MAGI1: variants seen among roughly 807,000 people sequenced by gnomAD.
MAGI1 encodes membrane associated guanylate kinase, WW and PDZ domain containing 1, also known as membrane-associated guanylate kinase, WW and PDZ domain-containing protein 1.
In MAGI1, 58 loss-of-function variants were observed where a neutral mutation model predicts 139.9. The ratio of observed to expected loss-of-function variants is 0.41; its 90% confidence interval spans 0.34 to 0.52. The LOEUF is 0.52. MAGI1 is among the 20% of genes least tolerant of loss of function. The probability of loss-of-function intolerance (pLI) is 0.12; values close to 1 mark genes in which losing one functional copy is unlikely to be tolerated. For missense variants in MAGI1, 1,874 were observed against 1,901.6 expected, an observed-to-expected ratio of 0.99 and a Z score of 0.27; for synonymous variants, 812 against 737.9, an observed-to-expected ratio of 1.10 and a Z score of -1.63.
chr3:65,680,028 G>T (rs2087470709), intron 1 of MAGI1, among the ~76,000 whole-genome samples: 1 of 152,130 alleles, frequency 6.6e-6, no homozygotes, highest in South Asian at 2.1e-4. Context: ...AGGGTAGAAA[G>T]ATTAGTTCTC....
intron 2 of MAGI1, among the ~76,000 whole-genome samples, chr3:65,526,865 C>T (rs1396569083): frequency 6.6e-6 from 1 of 152,094 alleles, no homozygotes. Context: ...CTGTTAGCGC[C>T]CAGTTTTGCC....
intron 1 of MAGI1, among the ~76,000 whole-genome samples, chr3:65,734,859 G>A (rs1468671144): frequency 6.7e-6 from 1 of 148,574 alleles, no homozygotes; most frequent in South Asian, 2.2e-4. Context: ...ATGGTGGGGG[G>A]AGGGGAGGTG....
chr3:65,958,440 T>C (rs542101493), intron 1 of MAGI1, among the ~76,000 whole-genome samples: 1 of 152,354 alleles, frequency 6.6e-6, no homozygotes, highest in South Asian at 2.1e-4. Flanking sequence ...GAGGCTTACC[T>C]GCACAGTGAC....
intron 1 of MAGI1, among the ~76,000 whole-genome samples, chr3:65,784,578 G>A (rs1045137189): frequency 1.3e-5 from 2 of 152,088 alleles, no homozygotes; most frequent in Middle Eastern, 3.4e-3. Context: ...GGTGACGGGC[G>A]CCTGTAGTCC....
chr3:65,630,957 G>A (rs1347215099), intron 1 of MAGI1, among the ~76,000 whole-genome samples: 4 of 152,266 alleles, frequency 2.6e-5, no homozygotes, highest in Non-Finnish European at 1.5e-5. Context: ...GTGTAACAAT[G>A]CACTGAGAGG....
At chr3:65,592,726 G>A (rs2082024538) in intron 2 of MAGI1, among the ~76,000 whole-genome samples, 1 of 152,096 alleles carries the variant, frequency 6.6e-6, no homozygotes, top group Non-Finnish European at 1.5e-5. Flanking sequence ...AAAGAATGAG[G>A]GCTAGTGTGT....
chr3:65,648,580 A>G (rs4688590), intron 1 of MAGI1, among the ~76,000 whole-genome samples: 151,914 of 152,326 alleles, frequency 1, 75,752 homozygotes, highest in South Asian at 1. Context: ...CTAAATAAAT[A>G]GTGATGATAC....
At chr3:66,007,581 T>C (rs932039867) in intron 1 of MAGI1, among the ~76,000 whole-genome samples, 2 of 152,172 alleles carry the variant, frequency 1.3e-5, no homozygotes, top group African/African-American at 4.8e-5. Flanking sequence ...TGAAGAGAAA[T>C]TCCTTAACTG....
intron 1 of MAGI1, among the ~76,000 whole-genome samples, chr3:65,774,831 C>T (rs1180025768): frequency 2.6e-5 from 4 of 152,128 alleles, no homozygotes; most frequent in Non-Finnish European, 5.9e-5. Context: ...TACACTAACT[C>T]GCCTTAGGCA....
In MAGI1 at chr3:65,860,115, C is replaced by T. The variant is rs937359060; in HGVS notation, c.313+177881G>A. Among the ~76,000 whole-genome samples, 9 of 151,922 alleles carry T rather than the reference C, an allele frequency of 5.9e-5. 1 individual carries two copies. The highest frequency in any genetic ancestry group is 4.2e-4 in the South Asian group (2 of 4,814). On this transcript the variant is annotated intron_variant, in intron 1 of 22. Coordinates refer to ENST00000402939, the MANE Select transcript of MAGI1 (RefSeq NM_001033057.2). ...TTCTTCATGTTGGTCAGACTGGTGT[C>T]GAACTCCCCACCTCAGGTGATCCAC...
intron 1 of MAGI1, among the ~76,000 whole-genome samples, chr3:65,714,961 CA>C (rs1409468680): frequency 2.0e-5 from 3 of 151,390 alleles, no homozygotes; most frequent in African/African-American, 7.3e-5. Flanking sequence ...GGACCACAGA[CA>C]CAGGTTTAGA....
At chr3:66,009,919 T>C (rs771689684) in intron 1 of MAGI1, among the ~76,000 whole-genome samples, 1 of 151,426 alleles carries the variant, frequency 6.6e-6, no homozygotes, top group African/African-American at 2.4e-5. Flanking sequence ...CTACTAAAAA[T>C]ACAAAAATGA....
chr3:65,875,721 T>C (rs2060090581), intron 1 of MAGI1, among the ~76,000 whole-genome samples: 1 of 152,196 alleles, frequency 6.6e-6, no homozygotes, highest in South Asian at 2.1e-4. Context: ...CATTACAGTT[T>C]AGTGACCACA....
intron 2 of MAGI1, among the ~76,000 whole-genome samples, chr3:65,579,828 C>G (rs1158051493): frequency 7.7e-6 from 1 of 129,410 alleles, no homozygotes; most frequent in Admixed American, 8.7e-5. Flanking sequence ...GCCTGGGGAA[C>G]AAGAGCGAAA....
At position 65,587,483 on chromosome 3, in the gene MAGI1, T is replaced by C. The variant is rs79433969; in HGVS notation, c.430+34489A>G. On this transcript the variant is annotated intron_variant, in intron 2 of 22. Transcript: ENST00000402939. The stretch of plus-strand genomic sequence containing the variant: ...TTATTTTATTATTACTTTTTTCTTT[T>C]TTTTTTTTTTTTTTTTTTGAGACAG... 6.4e-4 allele frequency among the ~76,000 whole-genome samples: 79 copies of C among 123,260 alleles called. No homozygotes were observed. In the East Asian group the frequency reaches 7.3e-3, roughly 11 times the overall value. The allele number at this position is 123,260 out of a possible 152,430, so 80.9% of individuals were successfully genotyped here.
At chr3:65,467,265 C>A (rs1409014738) in intron 5 of MAGI1, among the ~76,000 whole-genome samples, 1 of 152,200 alleles carries the variant, frequency 6.6e-6, no homozygotes, top group Admixed American at 6.5e-5. Flanking sequence ...TTCCCAAAAA[C>A]TATAAAACAA....
At chr3:65,789,277 G>C (rs2039602365) in intron 1 of MAGI1, among the ~76,000 whole-genome samples, 1 of 152,154 alleles carries the variant, frequency 6.6e-6, no homozygotes, top group Non-Finnish European at 1.5e-5. Context: ...GTAAGATAGT[G>C]CCACCAGTCC....
intron 1 of MAGI1, among the ~76,000 whole-genome samples, chr3:65,846,377 A>G (rs779448620): frequency 1.3e-5 from 2 of 152,210 alleles, no homozygotes; most frequent in Non-Finnish European, 2.9e-5. Flanking sequence ...ATTGCAAATC[A>G]AGGGCAAAGT....
At chr3:65,471,061 G>A (rs1343879391) in intron 4 of MAGI1, among the ~76,000 whole-genome samples, 1 of 152,196 alleles carries the variant, frequency 6.6e-6, no homozygotes, top group Non-Finnish European at 1.5e-5. Flanking sequence ...TATGGAGAGA[G>A]CTATACCAGT....
Sources: gnomAD v4.1 joint callset for allele counts (sites outside exome capture counted in the v4.1 genomes callset) on GRCh38, gnomAD v4.1.1 for gene constraint, MANE v1.5 for transcripts, NCBI Gene and HGNC (gene_info 2026-07-23, HGNC 2026-07-21) for gene names.